The following HOOK3 variants were observed in gnomAD, a reference collection of about 807,000 sequenced individuals.
HOOK3 encodes hook microtubule tethering protein 3.
HOOK3 carries 24 observed loss-of-function variants against 116.3 expected under a neutral mutation model. The ratio of observed to expected loss-of-function variants is 0.21; its 90% CI spans 0.15 to 0.29. The LOEUF is 0.29. Ranked by LOEUF, HOOK3 falls within the 10% of genes least tolerant of loss-of-function variation. HOOK3 has a pLI of 1.00. For synonymous variants in HOOK3, 275 were observed against 283.0 expected, an observed-to-expected ratio of 0.97 and a Z score of 0.28; for missense variants, 632 against 830.2, an observed-to-expected ratio of 0.76 and a Z score of 2.93.
chr8:42,969,899 T>G (rs536008940), intron 11 of HOOK3, among the ~76,000 whole-genome samples: 1 of 152,366 alleles, frequency 6.6e-6, no homozygotes, highest in East Asian at 1.9e-4. Context: ...TAATCTCCTA[T>G]GGATCTATGA....
chr8:42,925,671 T>C, intron 3 of HOOK3, 42 bp downstream of exon 3: 1 of 1,319,350 alleles, frequency 7.6e-7, no homozygotes, highest in Non-Finnish European at 1.1e-6. Flanking sequence ...AATATTTGTA[T>C]GTGTATAATA....
At position 43,023,322 on chromosome 8, in the gene HOOK3, G is replaced by C; in HGVS notation, c.*4824G>C. 5.5e-6 allele frequency: 1 copy of C among 181,380 alleles called. No homozygotes were observed. 11.2% of individuals were successfully genotyped at this position (181,380 alleles called of 1,614,324 possible). ...AGTAGTGAGTGAGTGTTAAGTGAAA[G>C]ATGAGCTAGGTTGAAGAAAATATAC... On this transcript the variant is annotated 3_prime_UTR_variant, in exon 22 of 22. Transcript: ENST00000307602.
chr8:43,029,726 T>C lies in HOOK3; in HGVS notation c.*11228T>C, dbSNP rs1809996954. The C allele has an allele frequency of 5.0e-6, 1 of 198,754 alleles. No individual in the cohort carries two copies. Among genetic ancestry groups the C allele is most frequent in the Admixed American group, 6.0e-5 (1 of 16,622 alleles). The allele number at this position is 198,754 out of a possible 1,614,324, so 12.3% of individuals were successfully genotyped here. A position where few individuals can be genotyped will look rare whatever the true frequency, so the allele number is the denominator to read the frequency against. On this transcript the variant is annotated 3_prime_UTR_variant, in exon 22 of 22. Transcript: ENST00000307602. ...GATTAATAAATTATATCAAAAAACT[T>C]GGGGATAGAAAGAGGCTTTTTTTTC... is the stretch of plus-strand genomic sequence containing the variant.
In HOOK3 at chr8:43,002,257, T is replaced by A. The variant is rs2130473963; in HGVS notation, c.1655+116T>A. 4 of 695,576 alleles carry A rather than the reference T, an allele frequency of 5.8e-6. No homozygotes were observed. The South Asian group carries it at 6.9e-5, about 12-fold the overall frequency. 43.1% of individuals were successfully genotyped at this position (695,576 alleles called of 1,614,324 possible). On this transcript the variant is annotated intron_variant, in intron 17 of 21. Transcript: ENST00000307602. ...AGGTGGCCCTTGAAGAAATAGAAAA[T>A]TATAATACATATTATGAGAGTCTGA...
chr8:42,969,921 A>T (rs934756216), intron 11 of HOOK3, among the ~76,000 whole-genome samples: 2 of 152,040 alleles, frequency 1.3e-5, no homozygotes, highest in Non-Finnish European at 2.9e-5. Flanking sequence ...TTGTCCTTTT[A>T]CTTTTTTGAG....
intron 6 of HOOK3, among the ~76,000 whole-genome samples, chr8:42,954,984 A>G (rs961864972): frequency 6.6e-6 from 1 of 152,194 alleles, no homozygotes; most frequent in Non-Finnish European, 1.5e-5. Context: ...AGTGTGGAAT[A>G]ATCTCTGATG....
intron 5 of HOOK3, among the ~76,000 whole-genome samples, chr8:42,948,822 A>G (rs367944229): frequency 6.6e-6 from 1 of 152,216 alleles, no homozygotes; most frequent in Non-Finnish European, 1.5e-5. Flanking sequence ...TTTTTTGACT[A>G]AATAGTGATT....
intron 6 of HOOK3, among the ~76,000 whole-genome samples, chr8:42,952,328 G>C (rs1408498980): frequency 6.6e-6 from 1 of 152,186 alleles, no homozygotes; most frequent in East Asian, 1.9e-4. Flanking sequence ...AAATGCATAG[G>C]GTGAGGTCAG....
intron 8 of HOOK3, among the ~76,000 whole-genome samples, chr8:42,960,852 T>C (rs1485427799): frequency 1.3e-5 from 2 of 152,230 alleles, no homozygotes; most frequent in African/African-American, 4.8e-5. Context: ...TAACCCTCTG[T>C]GTACTAGGCA....
chr8:42,985,511 G>A (rs1809032727), intron 14 of HOOK3, among the ~76,000 whole-genome samples: 1 of 152,118 alleles, frequency 6.6e-6, no homozygotes, highest in South Asian at 2.1e-4. Context: ...AGAATTAGAA[G>A]GCTATATTTC....
At chr8:43,010,726 CGTT>C (rs1809588620) in intron 19 of HOOK3, among the ~76,000 whole-genome samples, 1 of 152,120 alleles carries the variant, frequency 6.6e-6, no homozygotes, top group African/African-American at 2.4e-5. Flanking sequence ...GATGGAGTAT[CGTT>C]GTAAATAATA....
intron 15 of HOOK3, among the ~76,000 whole-genome samples, chr8:42,994,280 T>C (rs1045433353): frequency 3.3e-5 from 5 of 152,208 alleles, no homozygotes; most frequent in Non-Finnish European, 7.4e-5. Flanking sequence ...CCTCCCAAAG[T>C]GCTGGGGTTA....
chr8:42,906,629 C>T (rs901919971), intron 2 of HOOK3, among the ~76,000 whole-genome samples: 3 of 152,114 alleles, frequency 2.0e-5, no homozygotes, highest in Non-Finnish European at 4.4e-5. Context: ...CCTGAGTACC[C>T]ATATAAAATA....
intron 3 of HOOK3, among the ~76,000 whole-genome samples, chr8:42,928,333 T>A (rs2130361709): frequency 6.7e-6 from 1 of 148,834 alleles, no homozygotes; most frequent in African/African-American, 2.5e-5. Flanking sequence ...CGCCTGTAAT[T>A]CCAGCTACCT....
intron 5 of HOOK3, among the ~76,000 whole-genome samples, chr8:42,944,293 G>T (rs1245942935): frequency 6.6e-6 from 1 of 151,782 alleles, no homozygotes; most frequent in Admixed American, 6.6e-5. Context: ...GCACACTCCT[G>T]TAATCCCAGC....
chr8:42,991,394 CTT>C (rs564333836), intron 15 of HOOK3, among the ~76,000 whole-genome samples: 11 of 129,596 alleles, frequency 8.5e-5, no homozygotes, highest in Non-Finnish European at 1.5e-4. Flanking sequence ...TAGTATGGAC[CTT>C]TTTTTTTTTT....
At chr8:42,955,634 G>A (rs777546382) in intron 6 of HOOK3, among the ~76,000 whole-genome samples, 5 of 152,096 alleles carry the variant, frequency 3.3e-5, no homozygotes, top group South Asian at 2.1e-4. Context: ...AATCAACTGC[G>A]TTCACTATCA....
chr8:42,906,326 A>T (rs1807310328), intron 2 of HOOK3, 68 bp downstream of exon 2: 1 of 1,139,786 alleles, frequency 8.8e-7, no homozygotes, highest in Admixed American at 1.9e-5. Context: ...GAAAACATGG[A>T]TTAAAAAAGT....
intron 2 of HOOK3, among the ~76,000 whole-genome samples, chr8:42,913,278 C>T (rs1488605811): frequency 1.3e-5 from 2 of 152,176 alleles, no homozygotes; most frequent in Non-Finnish European, 2.9e-5. Flanking sequence ...TTTGTAACCC[C>T]TTCTTTCCTG....
Sources: allele counts gnomAD v4.1 joint callset (sites outside exome capture counted in the v4.1 genomes callset), GRCh38; gene constraint gnomAD v4.1.1; transcripts MANE v1.5; gene names NCBI Gene and HGNC (gene_info 2026-07-23, HGNC 2026-07-21).